The following PID1 variants were observed in gnomAD, a reference collection of about 807,000 sequenced individuals.
PID1 encodes the protein PTB-containing, cubilin and LRP1-interacting protein.
Under a neutral mutation model 19.1 loss-of-function variants are expected in PID1, and 10 were observed. The observed-to-expected ratio is 0.52, with a 90% CI of 0.32 to 0.89. The LOEUF is 0.89. PID1 is among the 40% of genes least tolerant of loss of function. PID1 has a pLI of 0.03. For missense variants in PID1, 248 were observed against 285.3 expected (o/e 0.87, Z 0.94); for synonymous variants, 130 against 116.0 (o/e 1.12, Z -0.78).
At chr2:229,145,967 C>T (rs1239672003) in intron 2 of PID1, among the ~76,000 whole-genome samples, 3 of 152,062 alleles carry the variant, frequency 2.0e-5, no homozygotes, top group African/African-American at 4.8e-5. Context: ...CTTTATTTTT[C>T]GATTTTTTAG....
intron 2 of PID1, among the ~76,000 whole-genome samples, chr2:229,049,740 G>T (rs1693952828): frequency 6.6e-6 from 1 of 152,132 alleles, no homozygotes; most frequent in Non-Finnish European, 1.5e-5. Context: ...CTTTCTCACT[G>T]TATTTATGCT....
intron 2 of PID1, among the ~76,000 whole-genome samples, chr2:229,153,021 T>C (rs993534846): frequency 2.0e-5 from 3 of 152,196 alleles, no homozygotes; most frequent in African/African-American, 7.2e-5. Flanking sequence ...GCGTTCCTTC[T>C]GCAGCTGGCA....
chr2:229,034,975 C>T (rs544753742), intron 2 of PID1, among the ~76,000 whole-genome samples: 2 of 152,118 alleles, frequency 1.3e-5, no homozygotes, highest in African/African-American at 2.4e-5. Flanking sequence ...AGCTCTTGGG[C>T]CCATGTCTCC....
chr2:229,153,815 T>A (rs573920732), intron 2 of PID1, among the ~76,000 whole-genome samples: 10 of 152,354 alleles, frequency 6.6e-5, no homozygotes, highest in African/African-American at 2.4e-4. Flanking sequence ...TGTGTAGTTT[T>A]TGCCCTTCCC....
In PID1 at chr2:229,069,141, TTTTGTG is replaced by T. The variant is rs879495409; in HGVS notation, c.178-43039_178-43034del. Among the ~76,000 whole-genome samples, 1,150 of 128,802 alleles carry T rather than the reference TTTTGTG, an allele frequency of 8.9e-3. 7 individuals are homozygous for T. Among genetic ancestry groups the T allele is most frequent in the South Asian group, 0.014 (57 of 4,030 alleles). The allele number at this position is 128,802 out of a possible 152,430, so 84.5% of individuals were successfully genotyped here. A position where few individuals can be genotyped will look rare whatever the true frequency, so the allele number is the denominator to read the frequency against. ...CTTTCCTTTCTTTAACGAGAAGGGT[TTTTGTG>T]TGTGTGTGTGTGTGTGTGTGTGTGT... On this transcript the variant is annotated intron_variant, in intron 2 of 2. Coordinates refer to ENST00000392055, the MANE Select transcript of PID1 (RefSeq NM_001100818.2).
At chr2:229,200,905 T>C (rs1229703429) in intron 1 of PID1, among the ~76,000 whole-genome samples, 1 of 152,000 alleles carries the variant, frequency 6.6e-6, no homozygotes, top group Non-Finnish European at 1.5e-5. Context: ...CCCATGTATG[T>C]ATGTATGGAG....
At chr2:229,114,727 T>C (rs1348799245) in intron 2 of PID1, among the ~76,000 whole-genome samples, 1 of 152,236 alleles carries the variant, frequency 6.6e-6, no homozygotes, top group Non-Finnish European at 1.5e-5. Flanking sequence ...AACACATCTT[T>C]GTAATAAAAA....
intron 1 of PID1, among the ~76,000 whole-genome samples, chr2:229,245,982 T>C (rs1345546865): frequency 6.6e-6 from 1 of 152,194 alleles, no homozygotes; most frequent in Non-Finnish European, 1.5e-5. Flanking sequence ...GTTTGTTTCA[T>C]TTTGCAGACC....
rs1025617216 is a variant in PID1 at position 229,258,934 on chromosome 2, G to T, written c.30+12080C>A. 6.0e-5 allele frequency among the ~76,000 whole-genome samples: 9 copies of T among 150,626 alleles called. No individual in the cohort carries two copies. In the East Asian group the frequency reaches 1.4e-3, roughly 23 times the overall value. ...AAAACTTACCCCAATCCCCTTTCAG[G>T]CCCCTCCCTCCAAGTCCATCCTCAG... is the stretch of plus-strand genomic sequence containing the variant. On this transcript the variant is annotated intron_variant, in intron 1 of 2. Coordinates refer to ENST00000392055, the MANE Select transcript of PID1 (RefSeq NM_001100818.2).
At chr2:229,081,866 G>C (rs1201690100) in intron 2 of PID1, among the ~76,000 whole-genome samples, 1 of 152,190 alleles carries the variant, frequency 6.6e-6, no homozygotes, top group Non-Finnish European at 1.5e-5. Context: ...GCTCAGGAAA[G>C]TACCACAGAA....
intron 1 of PID1, among the ~76,000 whole-genome samples, chr2:229,172,367 G>A (rs1044701883): frequency 6.6e-6 from 1 of 152,198 alleles, no homozygotes; most frequent in Non-Finnish European, 1.5e-5. Flanking sequence ...CTAGAGGCTA[G>A]AAGTCTGAAA....
chr2:229,209,360 G>T (rs887423161), intron 1 of PID1, among the ~76,000 whole-genome samples: 3 of 152,184 alleles, frequency 2.0e-5, no homozygotes, highest in African/African-American at 7.2e-5. Flanking sequence ...TTGTAATTAG[G>T]TATGAAATGA....
At chr2:229,257,420 C>T (rs962004970) in intron 1 of PID1, among the ~76,000 whole-genome samples, 9 of 152,298 alleles carry the variant, frequency 5.9e-5, no homozygotes, top group Non-Finnish European at 7.3e-5. Context: ...TTCCTGTCCA[C>T]GTGATGTCCC....
intron 1 of PID1, among the ~76,000 whole-genome samples, chr2:229,189,028 T>C (rs573475978): frequency 3.3e-5 from 5 of 152,070 alleles, no homozygotes; most frequent in African/African-American, 7.2e-5. Flanking sequence ...CTGAAAAAAA[T>C]TGAACTTCTT....
intron 1 of PID1, among the ~76,000 whole-genome samples, chr2:229,223,434 G>A (rs150853874): frequency 1.2e-3 from 190 of 152,248 alleles, no homozygotes; most frequent in African/African-American, 4.2e-3. Context: ...TTGTTACAAA[G>A]TTTAACCCTT....
At chr2:229,111,838 T>C (rs1695303847) in intron 2 of PID1, among the ~76,000 whole-genome samples, 1 of 152,194 alleles carries the variant, frequency 6.6e-6, no homozygotes, top group African/African-American at 2.4e-5. Context: ...ATAAGTTAAA[T>C]GACATCAAAA....
At position 229,262,802 on chromosome 2, in the gene PID1, G is replaced by A. The variant is rs374618462; in HGVS notation, c.30+8212C>T. 43 of 1,551,244 alleles carry A rather than the reference G, an allele frequency of 2.8e-5. No homozygotes were observed. The African/African-American group carries it at 3.3e-4, about 12-fold the overall frequency. On this transcript the variant is annotated intron_variant, in intron 1 of 2. Transcript: ENST00000392055. ...ATCAGGTGGTTGCCAGCAATCCTTG[G>A]CATTCCTTGGCTTATGATGCCATAA...
At chr2:229,107,761 TCTCTA>T (rs1695208434) in intron 2 of PID1, among the ~76,000 whole-genome samples, 1 of 152,154 alleles carries the variant, frequency 6.6e-6, no homozygotes, top group Non-Finnish European at 1.5e-5. Context: ...TACAAACGCG[TCTCTA>T]CTCTAAATGT....
intron 2 of PID1, among the ~76,000 whole-genome samples, chr2:229,143,855 G>A (rs577638163): frequency 4.6e-5 from 7 of 152,084 alleles, no homozygotes; most frequent in South Asian, 4.2e-4. Context: ...TTAAGTTTCC[G>A]GAGGCCTCCC....
Sources: gnomAD v4.1 joint callset for allele counts (sites outside exome capture counted in the v4.1 genomes callset) on GRCh38, gnomAD v4.1.1 for gene constraint, MANE v1.5 for transcripts, NCBI Gene and HGNC (gene_info 2026-07-23, HGNC 2026-07-21) for gene names.